Variants in PEX19 observed in about 807,000 individuals in gnomAD.
PEX19 encodes peroxisomal biogenesis factor 19, also known as 33 kDa housekeeping protein.
A neutral mutation model predicts 36.3 loss-of-function variants in PEX19; 29 were observed. That is an observed-to-expected ratio of 0.80 (90% CI 0.60 to 1.09). PEX19 has a LOEUF of 1.09. Among genes scored for constraint, PEX19 ranks in the 50% least tolerant of loss-of-function variants. The pLI, the probability that PEX19 is intolerant of heterozygous loss-of-function variation, is 0.00. For synonymous variants in PEX19, 141 were observed against 135.2 expected (o/e 1.04, Z -0.30); for missense variants, 396 against 368.1 (o/e 1.08, Z -0.62).
rs201006711 is a variant in PEX19, at chr1:160,283,603, G to A, written c.107C>T (p.Pro36Leu). 1.2e-6 allele frequency: 2 copies of A among 1,614,090 alleles called. No individual in the cohort carries two copies. Among genetic ancestry groups the A allele is most frequent in the Non-Finnish European group, 1.7e-6 (2 of 1,179,942 alleles). ...GGCCGTGGTGGTAGAAGGGGGTGCTGGGGAGGGTTTGGCTTTATCGAAATC... is the reference window on the plus strand; with the variant it reads ...GGCCGTGGTGGTAGAAGGGGGTGCTAGGGAGGGTTTGGCTTTATCGAAATC... ...LDDFDKAKPSPAPPSTTTAPD... is the reference protein window; with the variant it reads ...LDDFDKAKPSLAPPSTTTAPD... Residue 36 changes from proline to leucine, a missense_variant, in exon 2 of 8, where the codon CCA becomes CTA. By Grantham distance (98) the Pro-to-Leu change is moderately conservative. Coordinates refer to ENST00000368072, the MANE Select transcript of PEX19 (RefSeq NM_002857.4).
In PEX19 at chr1:160,278,956, G is replaced by A. The variant is rs1029224051; in HGVS notation, c.*595C>T. On this transcript the variant is annotated 3_prime_UTR_variant, in exon 8 of 8. Transcript: ENST00000368072. Reference sequence around the variant, plus strand: ...GTGAGGGCTCAGCACCTAGAGAGAGGAGAATCCTAAGGCCTCTCTTTCAAC... The same window carrying A: ...GTGAGGGCTCAGCACCTAGAGAGAGAAGAATCCTAAGGCCTCTCTTTCAAC... The A allele has an allele frequency of 8.8e-6, 4 of 453,976 alleles. No individual in the cohort carries two copies. The highest frequency in any genetic ancestry group is 2.3e-5 in the Admixed American group (1 of 42,554). 28.1% of individuals were successfully genotyped at this position (453,976 alleles called of 1,614,324 possible).
At position 160,283,029 on chromosome 1, in the gene PEX19, G is replaced by C; in HGVS notation, c.261C>G (p.Phe87Leu). Residue 87 changes from phenylalanine (F) to leucine (L), a missense_variant, in exon 3 of 8, where the codon TTC becomes TTG. By Grantham distance (22) the Phe-to-Leu change is conservative. Coordinates refer to ENST00000368072, the MANE Select transcript of PEX19 (RefSeq NM_002857.4). ...CAGCCAACTCCTTCATTGCCTTCTCGAACTCCGCAGTGGCTTGGGAAGCCA... is the reference window on the plus strand; with the variant it reads ...CAGCCAACTCCTTCATTGCCTTCTCCAACTCCGCAGTGGCTTGGGAAGCCA... Reference protein sequence around the residue: ...SELASQATAEFEKAMKELAEE... With the variant: ...SELASQATAELEKAMKELAEE... 1.9e-6 allele frequency: 3 copies of C among 1,614,122 alleles called. No individual in the cohort carries two copies. The highest frequency in any genetic ancestry group is 2.5e-6 in the Non-Finnish European group (3 of 1,180,020).
rs1432895271 is a variant in PEX19 at position 160,279,788 on chromosome 1, A to T, written c.816+13T>A. ...GACTCAAATTAAAATCTGGAAAAAT[A>T]AGACATACTCACCATCTCTCCAGCC... On this transcript the variant is annotated intron_variant, in intron 7 of 7. Transcript: ENST00000368072. 6.2e-7 allele frequency: 1 copy of T among 1,610,476 alleles called. No homozygotes were observed. The highest frequency in any genetic ancestry group is 8.5e-7 in the Non-Finnish European group (1 of 1,176,636).
chr1:160,285,135 C>T (rs1330203149), upstream of PEX19: 3 of 1,611,194 alleles, frequency 1.9e-6, no homozygotes, highest in African/African-American at 4.0e-5. Context: ...CTTGCTACCT[C>T]CGACTTGCCG....
chr1:160,279,871 G>A (rs748132393), intron 6 of PEX19, 26 bp from the exon 7 acceptor site: 4 of 1,593,026 alleles, frequency 2.5e-6, no homozygotes, highest in African/African-American at 1.3e-5. Context: ...AATGGAACAT[G>A]AAATAGAGAA....
In PEX19 at chr1:160,278,224, T is replaced by C; in HGVS notation, c.*1327A>G. On this transcript the variant is annotated 3_prime_UTR_variant, in exon 8 of 8. Transcript: ENST00000368072. ...AAAAATAATTTAGAAAACATAACAATATATTACTAACATTAATAACAATAA... is the reference window on the plus strand; with the variant it reads ...AAAAATAATTTAGAAAACATAACAACATATTACTAACATTAATAACAATAA... 1.4e-6 allele frequency: 1 copy of C among 701,892 alleles called. No homozygotes were observed. The highest frequency in any genetic ancestry group is 2.6e-6 in the Non-Finnish European group (1 of 384,868). 43.5% of individuals were successfully genotyped at this position (701,892 alleles called of 1,614,324 possible).
Position 160,277,075 on chromosome 1 carries a change from T to C in PEX19, c.*2476A>G, listed in dbSNP as rs1657567327. ...AGAACAAGTTCTCTGGAAGTGAAAC[T>C]CAAATAGGAGAGAACAAGAGATACA... On this transcript the variant is annotated 3_prime_UTR_variant, in exon 8 of 8. Transcript: ENST00000368072. The C allele has an allele frequency of 2.2e-6, 1 of 453,882 alleles. No homozygotes were observed. The highest frequency in any genetic ancestry group is 2.4e-5 in the Admixed American group (1 of 42,536). The allele number at this position is 453,882 out of a possible 1,614,324, so 28.1% of individuals were successfully genotyped here.
Position 160,279,166 on chromosome 1 carries a change from C to A in PEX19, c.*385G>T, listed in dbSNP as rs1197151526. 3 of 456,904 alleles carry A rather than the reference C, an allele frequency of 6.6e-6. No homozygotes were observed. In the East Asian group the frequency reaches 2.1e-4, roughly 31 times the overall value. The allele number at this position is 456,904 out of a possible 1,614,324, so 28.3% of individuals were successfully genotyped here. On this transcript the variant is annotated 3_prime_UTR_variant, in exon 8 of 8. Transcript: ENST00000368072. ...AGGTCTCTGCCCCTCCTCCCCAGAT[C>A]CAAGAGAGGGAGTAGAGACAAGGCA... is the stretch of plus-strand genomic sequence containing the variant.
chr1:160,280,048 G>A, intron 6 of PEX19, 22 bp downstream of exon 6: 1 of 1,607,338 alleles, frequency 6.2e-7, no homozygotes, highest in African/African-American at 1.3e-5. Context: ...AGCACCAGTG[G>A]GCAGAAGGCA....
intron 1 of PEX19, chr1:160,284,071 G>A (rs560782620): frequency 1.7e-5 from 8 of 471,810 alleles, no homozygotes; most frequent in Non-Finnish European, 3.5e-5. Flanking sequence ...AGAAAGCACA[G>A]GACATCCCAC....
In PEX19 at chr1:160,285,056, T is replaced by C. The variant is rs1657956169; in HGVS notation, c.69A>G (p.Glu23=). The change falls in exon 1 of 8, where the codon GAA becomes GAG. Residue 23 remains glutamate, a splice_region_variant and synonymous_variant. Coordinates refer to ENST00000368072, the MANE Select transcript of PEX19 (RefSeq NM_002857.4). ...EADRELEELL[E]SALDDFDKAK... ...GCCTTTCCCACTATGGGCTCTTACT[T>C]TCCAGAAGCTCCTCCAATTCCCTGT... The C allele has an allele frequency of 6.2e-7, 1 of 1,612,042 alleles. No homozygotes were observed. The highest frequency in any genetic ancestry group is 1.3e-5 in the African/African-American group (1 of 75,002).
In PEX19 at chr1:160,279,472, C is replaced by CCT. The variant is rs1183021250; in HGVS notation, c.*77_*78dup. 2 of 1,167,400 alleles carry CCT rather than the reference C, an allele frequency of 1.7e-6. No homozygotes were observed. The highest frequency in any genetic ancestry group is 2.6e-6 in the Non-Finnish European group (2 of 774,494). 72.3% of individuals were successfully genotyped at this position (1,167,400 alleles called of 1,614,324 possible). Reference sequence around the variant, plus strand: ...GCAGACTTCTCCCGCAGGTGACACTCCTGCCTCAGGTCCCAATGGTTCTGC... The same window carrying CCT: ...GCAGACTTCTCCCGCAGGTGACACTCCTCTGCCTCAGGTCCCAATGGTTCTGC... On this transcript the variant is annotated 3_prime_UTR_variant, in exon 8 of 8. Transcript: ENST00000368072.
rs1354522544 is a variant in PEX19, at chr1:160,285,039, C to T, written c.70+16G>A. Reference sequence around the variant, plus strand: ...ACACGTGCCCTCTTCGGGCCTTTCCCACTATGGGCTCTTACTTTCCAGAAG... The same window carrying T: ...ACACGTGCCCTCTTCGGGCCTTTCCTACTATGGGCTCTTACTTTCCAGAAG... On this transcript the variant is annotated intron_variant, in intron 1 of 7. Coordinates refer to ENST00000368072, the MANE Select transcript of PEX19 (RefSeq NM_002857.4). 1.3e-6 allele frequency: 2 copies of T among 1,597,262 alleles called. No individual in the cohort carries two copies. The highest frequency in any genetic ancestry group is 2.2e-5 in the East Asian group (1 of 44,810).
chr1:160,280,539 C>CA lies in PEX19; in HGVS notation c.595-294dup, dbSNP rs560672354. ...GTTTTTTTTTTCTTTTTTTTCGAGA[C>CA]AGAGTTTTACTCTGTCACCCAGGCT... On this transcript the variant is annotated intron_variant, in intron 5 of 7. Transcript: ENST00000368072. 4.0e-5 allele frequency among the ~76,000 whole-genome samples: 6 copies of CA among 151,250 alleles called. No individual in the cohort carries two copies. The South Asian group carries it at 1.0e-3, about 26-fold the overall frequency.
chr1:160,285,098 A>C lies in PEX19; in HGVS notation c.27T>G (p.Ser9Arg). The change falls in exon 1 of 8, where the codon AGT becomes AGG. Residue 9 changes from serine to arginine, a missense_variant. Ser to Arg is a moderately radical substitution (Grantham distance 110, BLOSUM62 -1). Coordinates refer to ENST00000368072, the MANE Select transcript of PEX19 (RefSeq NM_002857.4). ...ATTCCCTGTCCGCTTCGGCCCCGAC[A>C]CTACAGCCTTCCTCAGCGGCGGCCA... is the stretch of plus-strand genomic sequence containing the variant. MAAAEEGCSVGAEADRELE... is the reference protein window; with the variant it reads MAAAEEGCRVGAEADRELE... 1.9e-6 allele frequency: 3 copies of C among 1,614,016 alleles called. No homozygotes were observed. The highest frequency in any genetic ancestry group is 1.1e-5 in the South Asian group (1 of 91,080).
In PEX19 at chr1:160,279,558, A is replaced by G. The variant is rs757088166; in HGVS notation, c.893T>C (p.Ile298Thr). The stretch of plus-strand genomic sequence containing the variant: ...AGGAAAACGTGTTGTGTTTCACATG[A>G]TCAGACACTGTTCACCACTGGCACC... ...PPGASGEQCL[I>T]M The change falls in exon 8 of 8, where the codon ATC becomes ACC. Residue 298 changes from isoleucine to threonine, a missense_variant. Physicochemically the swap from Ile to Thr is moderately conservative, Grantham distance 89. Coordinates refer to ENST00000368072, the MANE Select transcript of PEX19 (RefSeq NM_002857.4). 6.2e-7 allele frequency: 1 copy of G among 1,613,586 alleles called. No homozygotes were observed. The highest frequency in any genetic ancestry group is 8.5e-7 in the Non-Finnish European group (1 of 1,179,602).
At chr1:160,283,493 A>T (rs1335192040) in intron 2 of PEX19, 37 bp downstream of exon 2, 2 of 1,460,338 alleles carry the variant, frequency 1.4e-6, no homozygotes, top group African/African-American at 2.8e-5. Flanking sequence ...CTGCATGCCC[A>T]TCCCCTCCCC....
intron 4 of PEX19, 39 bp from the exon 5 acceptor site, chr1:160,282,239 T>C: frequency 6.2e-7 from 1 of 1,607,474 alleles, no homozygotes; most frequent in Non-Finnish European, 8.5e-7. Flanking sequence ...GTATACTACC[T>C]TCTTGGGATG....
Position 160,278,273 on chromosome 1 carries a change from C to CT in PEX19, c.*1277_*1278insA. On this transcript the variant is annotated 3_prime_UTR_variant, in exon 8 of 8. Transcript: ENST00000368072. ...AATGTAAAAGGTTAAAATATAATAC[C>CT]ACTTGAAGGGCTTTCTACATTGAAA... 1.4e-6 allele frequency: 1 copy of CT among 698,462 alleles called. No homozygotes were observed. Among genetic ancestry groups the CT allele is most frequent in the Non-Finnish European group, 2.6e-6 (1 of 383,802 alleles). The allele number at this position is 698,462 out of a possible 1,614,324, so 43.3% of individuals were successfully genotyped here. A position where few individuals can be genotyped will look rare whatever the true frequency, so the allele number is the denominator to read the frequency against.
Sources: allele counts gnomAD v4.1 joint callset (sites outside exome capture counted in the v4.1 genomes callset), GRCh38; gene constraint gnomAD v4.1.1; transcripts MANE v1.5; gene names NCBI Gene and HGNC (gene_info 2026-07-23, HGNC 2026-07-21).